The following ARAP2 variants were observed in gnomAD, a reference collection of about 807,000 sequenced individuals.
ARAP2 encodes the protein arf-GAP with Rho-GAP domain, ANK repeat and PH domain-containing protein 2.
A neutral mutation model predicts 194.5 loss-of-function variants in ARAP2; 148 were observed. That is an observed-to-expected ratio of 0.76 (90% CI 0.67 to 0.87). The LOEUF (loss-of-function observed/expected upper bound fraction) is 0.87, where lower values mean the gene tolerates loss of function less well. ARAP2 is among the 40% of genes least tolerant of loss of function. The pLI is 0.00. For missense variants in ARAP2, 2,128 were observed against 1,989.7 expected (o/e 1.07, Z -1.32); for synonymous variants, 695 against 683.5 (o/e 1.02, Z -0.26).
chr4:36,154,284 A>C (rs889568761), intron 15 of ARAP2, among the ~76,000 whole-genome samples: 4 of 152,218 alleles, frequency 2.6e-5, no homozygotes, highest in African/African-American at 7.2e-5. Context: ...ATACATTAGT[A>C]ATCCTTTTCA....
At chr4:36,034,687 G>A (rs555139571) in intron 5 of ARAP2, among the ~76,000 whole-genome samples, 2 of 152,150 alleles carry the variant, frequency 1.3e-5, no homozygotes, top group African/African-American at 4.8e-5. Flanking sequence ...CAAGGAGAAC[G>A]CTTGCAGCTT....
intron 4 of ARAP2, chr4:36,046,668 T>C (rs1721889426): frequency 6.6e-6 from 1 of 152,270 alleles, no homozygotes; most frequent in Non-Finnish European, 1.5e-5. Context: ...GCAGCAGAGC[T>C]AACCAGAGCC....
At position 36,124,946 on chromosome 4, in the gene ARAP2, C is replaced by A. The variant is rs144280242; in HGVS notation, c.3662G>T (p.Arg1221Ile). 5,463 of 1,609,122 alleles carry A rather than the reference C, an allele frequency of 3.4e-3. 14 individuals are homozygous for A. The highest frequency in any genetic ancestry group is 4.3e-3 in the Non-Finnish European group (5,039 of 1,176,984). ...TATAAATGCTCCATATTTTTTAATT[C>A]TTTCCTTGTCATCTTGCGTATCTGA... is the stretch of plus-strand genomic sequence containing the variant. ...SALDTQDDKERIKKYGAFIRS... is the reference protein window; with the variant it reads ...SALDTQDDKEIIKKYGAFIRS... Residue 1221 changes from arginine (R) to isoleucine (I), a missense_variant, in exon 22 of 33, where the codon AGA becomes ATA. Arg to Ile is a moderately conservative substitution (Grantham distance 97). Coordinates refer to ENST00000303965, the MANE Select transcript of ARAP2 (RefSeq NM_015230.4).
At chr4:36,053,977 G>T (rs182985141) in intron 2 of ARAP2, among the ~76,000 whole-genome samples, 2 of 152,330 alleles carry the variant, frequency 1.3e-5, no homozygotes, top group Admixed American at 6.5e-5. Flanking sequence ...ACAAGAGAAT[G>T]AATGCAAAGG....
chr4:36,141,508 TAGAGAA>T (rs1439632128), intron 19 of ARAP2, among the ~76,000 whole-genome samples: 1 of 151,702 alleles, frequency 6.6e-6, no homozygotes, highest in Non-Finnish European at 1.5e-5. Flanking sequence ...GCTATGCATA[TAGAGAA>T]AATGACCATG....
At chr4:36,092,200 C>A (rs890558081) in intron 27 of ARAP2, among the ~76,000 whole-genome samples, 180 bp from the exon 28 acceptor site, 1 of 152,116 alleles carries the variant, frequency 6.6e-6, no homozygotes, top group Admixed American at 6.6e-5. Flanking sequence ...CATGTATGGG[C>A]CTGCCTGGAC....
chr4:36,113,569 T>C (rs1288447155), intron 26 of ARAP2, among the ~76,000 whole-genome samples: 2 of 152,038 alleles, frequency 1.3e-5, no homozygotes, highest in East Asian at 3.9e-4. Context: ...GCTAGACAGA[T>C]GGTGAAGGTA....
At chr4:36,042,814 A>G (rs1412980481) in intron 5 of ARAP2, among the ~76,000 whole-genome samples, 1 of 150,424 alleles carries the variant, frequency 6.6e-6, no homozygotes, top group East Asian at 2.0e-4. Flanking sequence ...CATCCAATCA[A>G]TAAATCCAAT....
In ARAP2 at chr4:36,148,340, T is replaced by G. The variant is rs990975656; in HGVS notation, c.3000+65A>C. ...TAAAACTTTCATGGACCCCTGAAGC[T>G]CAAACACAGACTCCCAGTTCACAAT... On this transcript the variant is annotated intron_variant, in intron 17 of 32. Coordinates refer to ENST00000303965, the MANE Select transcript of ARAP2 (RefSeq NM_015230.4). 8.8e-6 allele frequency: 11 copies of G among 1,252,682 alleles called. No homozygotes were observed. The African/African-American group carries it at 1.3e-4, about 15-fold the overall frequency. The allele number at this position is 1,252,682 out of a possible 1,614,324, so 77.6% of individuals were successfully genotyped here. A position where few individuals can be genotyped will look rare whatever the true frequency, so the allele number is the denominator to read the frequency against.
intron 1 of ARAP2, among the ~76,000 whole-genome samples, chr4:36,233,465 T>C (rs1751896608): frequency 6.6e-6 from 1 of 152,228 alleles, no homozygotes; most frequent in South Asian, 2.1e-4. Context: ...TCCTAAGTTC[T>C]TGAGGCTTCC....
intron 28 of ARAP2, among the ~76,000 whole-genome samples, chr4:36,087,298 T>C (rs1288180877): frequency 6.6e-6 from 1 of 152,092 alleles, no homozygotes. Context: ...AGCATGAATC[T>C]CTCATCTGCT....
chr4:36,187,224 T>C (rs1041303577), intron 8 of ARAP2, among the ~76,000 whole-genome samples: 7 of 152,234 alleles, frequency 4.6e-5, no homozygotes, highest in African/African-American at 1.7e-4. Flanking sequence ...TATGAGTCCT[T>C]AGCACACAAT....
chr4:36,059,924 G>A (rs1724136828), intron 1 of ARAP2, among the ~76,000 whole-genome samples: 1 of 152,068 alleles, frequency 6.6e-6, no homozygotes, highest in East Asian at 1.9e-4. Context: ...GAATAAAGAA[G>A]GTTCAAAGAA....
At chr4:36,171,527 G>C (rs563456482) in intron 9 of ARAP2, among the ~76,000 whole-genome samples, 13 of 152,084 alleles carry the variant, frequency 8.5e-5, no homozygotes, top group African/African-American at 3.1e-4. Flanking sequence ...TTGTGGGGTG[G>C]GGGGAGTGGG....
At chr4:36,118,274 T>C (rs2109526586) in intron 24 of ARAP2, among the ~76,000 whole-genome samples, 1 of 144,836 alleles carries the variant, frequency 6.9e-6, no homozygotes, top group East Asian at 2.0e-4. Context: ...AGGACACATT[T>C]TAAAACTTAA....
intron 8 of ARAP2, among the ~76,000 whole-genome samples, chr4:36,014,730 G>GC (rs34344674): frequency 6.6e-6 from 1 of 152,038 alleles, no homozygotes; most frequent in East Asian, 1.9e-4. Flanking sequence ...GAAGTCCTAA[G>GC]CCCCAACTTC....
chr4:36,209,054 C>A (rs1441752739), intron 6 of ARAP2, among the ~76,000 whole-genome samples: 1 of 152,100 alleles, frequency 6.6e-6, no homozygotes, highest in African/African-American at 2.4e-5. Context: ...AACAGACCAA[C>A]CCTGTAAAGA....
rs140220650 is a variant in ARAP2, at chr4:36,068,091, G to A, written c.4931C>T (p.Pro1644Leu). Residue 1644 changes from proline (P) to leucine (L), a missense_variant, in exon 33 of 33, where the codon CCA becomes CTA. Pro to Leu is a moderately conservative substitution (Grantham distance 98). Coordinates refer to ENST00000303965, the MANE Select transcript of ARAP2 (RefSeq NM_015230.4). ...NCLEDTEPEA[P>L]LGQPKGHKGL... ...TTTATGGCCTTTTGGTTGCCCAAGT[G>A]GGGCTTCAGGCTCTGTGTCCTCCAG... 2.5e-6 allele frequency: 4 copies of A among 1,614,068 alleles called. No homozygotes were observed. The highest frequency in any genetic ancestry group is 3.4e-6 in the Non-Finnish European group (4 of 1,179,984).
intron 27 of ARAP2, among the ~76,000 whole-genome samples, chr4:36,096,674 A>G (rs1715411289): frequency 6.6e-6 from 1 of 152,142 alleles, no homozygotes; most frequent in Non-Finnish European, 1.5e-5. Context: ...TATTGATCAC[A>G]CCGTCATACT....
Sources: gnomAD v4.1 joint callset for allele counts (sites outside exome capture counted in the v4.1 genomes callset) on GRCh38, gnomAD v4.1.1 for gene constraint, MANE v1.5 for transcripts, NCBI Gene and HGNC (gene_info 2026-07-23, HGNC 2026-07-21) for gene names.